Variants in ZNF454 observed in about 807,000 individuals in gnomAD.
ZNF454 encodes zinc finger protein 454.
A neutral mutation model predicts 48.2 loss-of-function variants in ZNF454; 30 were observed. The ratio of observed to expected loss-of-function variants is 0.62; its 90% confidence interval spans 0.47 to 0.84. The LOEUF is 0.84. Among genes scored for constraint, ZNF454 ranks in the 40% least tolerant of loss-of-function variants. The pLI is 0.00. For missense variants in ZNF454, 510 were observed against 623.1 expected, an observed-to-expected ratio of 0.82 and a Z score of 1.93; for synonymous variants, 204 against 211.4, an observed-to-expected ratio of 0.97 and a Z score of 0.30.
chr5:178,965,804 C>G lies in ZNF454; in HGVS notation c.1400C>G (p.Pro467Arg). Residue 467 changes from proline (P) to arginine (R), a missense_variant, in exon 5 of 5, where the codon CCT (proline) becomes CGT (arginine). Physicochemically the swap from Pro to Arg is moderately radical, Grantham distance 103 (BLOSUM62 -2). Coordinates refer to ENST00000519564, the MANE Select transcript of ZNF454 (RefSeq NM_001178089.3). This position sits in a 1 kb window ranked among gnomAD's most constrained non-coding sequence, Gnocchi z 5.2. ...AAGAGAATTCATACTAGGGAAAAACCTTACAAATGTAAAATCTGTGAGAAA... is the reference window on the plus strand; with the variant it reads ...AAGAGAATTCATACTAGGGAAAAACGTTACAAATGTAAAATCTGTGAGAAA... The part of the protein sequence containing the change: ...QHKRIHTREK[P>R]YKCKICEKAF... The G allele has an allele frequency of 6.2e-7, 1 of 1,614,120 alleles. No homozygotes were observed. The highest frequency in any genetic ancestry group is 8.5e-7 in the Non-Finnish European group (1 of 1,180,028).
At chr5:178,948,657 C>G (rs1759434193) in intron 4 of ZNF454, among the ~76,000 whole-genome samples, 1 of 152,112 alleles carries the variant, frequency 6.6e-6, no homozygotes. Flanking sequence ...CGTGGAGATG[C>G]CGCACTGAGG....
At position 178,942,757 on chromosome 5, in the gene ZNF454, G is replaced by T; in HGVS notation, c.-35G>T. The T allele has an allele frequency of 6.2e-7, 1 of 1,613,852 alleles. No individual in the cohort carries two copies. ...TCCACACCTGCCTCCATAGCACTTT[G>T]CCTGTCCCTAAGAGGGCTCATCGGA... On this transcript the variant is annotated 5_prime_UTR_variant, in exon 2 of 5. Transcript: ENST00000519564.
At chr5:178,948,080 A>C (rs1253647688) in intron 4 of ZNF454, 1 of 151,880 alleles carries the variant, frequency 6.6e-6, no homozygotes, top group Non-Finnish European at 1.5e-5. Context: ...ACGCCTGGCT[A>C]ATTTTTGTAT....
chr5:178,974,682 C>G, the ZNF454 span, among the ~76,000 whole-genome samples: 1 of 152,148 alleles, frequency 6.6e-6, no homozygotes, highest in Non-Finnish European at 1.5e-5. Flanking sequence ...TCGTTATGAG[C>G]CAGGCACTGT....
At chr5:178,984,786 C>T in the ZNF454 span, among the ~76,000 whole-genome samples, 435 of 152,190 alleles carry the variant, frequency 2.9e-3, 1 homozygote, top group African/African-American at 9.0e-3. Context: ...GTGTGTGGAA[C>T]GAATAGAGAA....
intron 4 of ZNF454, among the ~76,000 whole-genome samples, chr5:178,962,213 C>G (rs924077511): frequency 6.0e-5 from 9 of 151,104 alleles, no homozygotes; most frequent in Middle Eastern, 3.4e-3. Context: ...CTTCTGGGTT[C>G]CATTGTTTTC....
At chr5:178,970,443 A>G (rs985286491), downstream of ZNF454, among the ~76,000 whole-genome samples, 7 of 150,788 alleles carry the variant, frequency 4.6e-5, no homozygotes, top group Non-Finnish European at 8.9e-5. Flanking sequence ...TCACTCAAGG[A>G]CCTCTCGGCG....
the ZNF454 span, chr5:178,985,827 TC>T: frequency 1.9e-6 from 1 of 531,358 alleles, no homozygotes; most frequent in African/African-American, 1.9e-5. Flanking sequence ...AGTGGTGCGA[TC>T]TTGGCTCACA....
At chr5:178,975,505 A>G in the ZNF454 span, among the ~76,000 whole-genome samples, 1 of 152,228 alleles carries the variant, frequency 6.6e-6, no homozygotes, top group Non-Finnish European at 1.5e-5. Flanking sequence ...ATATACTCTG[A>G]AAAGACATGT....
intron 4 of ZNF454, among the ~76,000 whole-genome samples, chr5:178,960,525 A>G (rs1446149339): frequency 6.6e-6 from 1 of 151,588 alleles, no homozygotes; most frequent in East Asian, 2.0e-4. Flanking sequence ...AAGTTCTGGG[A>G]TTACAGGCAT....
the ZNF454 span, chr5:178,982,692 T>TAAA: frequency 3.8e-3 from 1,651 of 432,160 alleles, 6 homozygotes; most frequent in Middle Eastern, 9.5e-3. Context: ...ATGAAAATGA[T>TAAA]AAAAAAAAAA....
chr5:178,949,640 CAG>C (rs1280791571), intron 4 of ZNF454, among the ~76,000 whole-genome samples: 2 of 151,414 alleles, frequency 1.3e-5, no homozygotes, highest in Non-Finnish European at 2.9e-5. Flanking sequence ...TTTTTTGAGA[CAG>C]AGTCTCGTTC....
At chr5:178,948,858 A>C (rs1225722772) in intron 4 of ZNF454, among the ~76,000 whole-genome samples, 1 of 148,844 alleles carries the variant, frequency 6.7e-6, no homozygotes, top group Admixed American at 6.7e-5. Context: ...TTAAAAATAA[A>C]TAATAAATTT....
chr5:178,986,241 C>A, the ZNF454 span: 4 of 1,614,040 alleles, frequency 2.5e-6, no homozygotes, highest in African/African-American at 5.3e-5. Flanking sequence ...TACGGTTGGT[C>A]TTGGTGAGCA....
At chr5:178,976,135 A>G in the ZNF454 span, 2 of 455,658 alleles carry the variant, frequency 4.4e-6, no homozygotes, top group Non-Finnish European at 8.8e-6. Flanking sequence ...TCCCCCAGAT[A>G]TCCCCATGGC....
chr5:178,989,211 A>AACCCCCCCCC, the ZNF454 span: 1 of 121,724 alleles, frequency 8.2e-6, no homozygotes, highest in Non-Finnish European at 1.3e-5. Flanking sequence ...CCCCCTCCCC[A>AACCCCCCCCC]CCCTCACCAC....
At chr5:178,959,464 C>T (rs898146128) in intron 4 of ZNF454, among the ~76,000 whole-genome samples, 38 of 152,102 alleles carry the variant, frequency 2.5e-4, no homozygotes, top group Non-Finnish European at 7.3e-5. Flanking sequence ...CAGTTTTGTC[C>T]TCTTCTTTTA....
the ZNF454 span, chr5:178,985,823 G>A: frequency 6.1e-5 from 32 of 528,724 alleles, no homozygotes; most frequent in Admixed American, 1.4e-4. Flanking sequence ...TTGTAGTGGT[G>A]CGATCTTGGC....
At chr5:178,984,699 C>T in the ZNF454 span, among the ~76,000 whole-genome samples, 1 of 152,136 alleles carries the variant, frequency 6.6e-6, no homozygotes, top group Non-Finnish European at 1.5e-5. Flanking sequence ...GACCAGGGGA[C>T]ACTCAGGCCC....
Sources: gnomAD v4.1 joint callset for allele counts (sites outside exome capture counted in the v4.1 genomes callset) on GRCh38, gnomAD v4.1.1 for gene constraint, Gnocchi (gnomAD v3.1) non-coding constraint, MANE v1.5 for transcripts, NCBI Gene and HGNC (gene_info 2026-07-23, HGNC 2026-07-21) for gene names.